Variants in MAN1A1 observed in about 807,000 individuals in gnomAD.
MAN1A1 encodes mannosidase alpha class 1A member 1, also known as mannosyl-oligosaccharide 1,2-alpha-mannosidase IA.
Under a neutral mutation model 70.8 loss-of-function variants are expected in MAN1A1, and 29 were observed. That is an observed-to-expected ratio of 0.41 (90% CI 0.31 to 0.56). The LOEUF (loss-of-function observed/expected upper bound fraction) is 0.56. Ranked by LOEUF, MAN1A1 falls within the 20% of genes least tolerant of loss-of-function variation. MAN1A1 has a pLI of 0.29. For missense variants in MAN1A1, 747 were observed against 841.3 expected, an observed-to-expected ratio of 0.89 and a Z score of 1.39; for synonymous variants, 349 against 330.1, an observed-to-expected ratio of 1.06 and a Z score of -0.62.
rs12662857 is a variant in MAN1A1 at position 119,207,474 on chromosome 6, G to A, written c.993-2592C>T. On this transcript the variant is annotated intron_variant, in intron 6 of 12. Coordinates refer to ENST00000368468, the MANE Select transcript of MAN1A1 (RefSeq NM_005907.4). ...GTCAGGGAAGGGGTTCAAGAAATTA[G>A]AGATGGCACAACTATAGACATTAGA... is the stretch of plus-strand genomic sequence containing the variant. 9.1e-3 allele frequency among the ~76,000 whole-genome samples: 1,384 copies of A among 152,268 alleles called. 38 individuals are homozygous for A. The highest frequency in any genetic ancestry group is 0.025 in the East Asian group (131 of 5,186).
At chr6:119,296,278 A>C (rs1772214536) in intron 4 of MAN1A1, among the ~76,000 whole-genome samples, 1 of 152,148 alleles carries the variant, frequency 6.6e-6, no homozygotes, top group Non-Finnish European at 1.5e-5. Context: ...ATGTTAATAG[A>C]CTGGTTTTAC....
intron 6 of MAN1A1, among the ~76,000 whole-genome samples, chr6:119,236,707 C>T (rs1222925678): frequency 2.1e-5 from 2 of 96,588 alleles, no homozygotes; most frequent in African/African-American, 7.9e-5. Context: ...GACTTTGTCT[C>T]AAAAAAAAAA....
chr6:119,190,946 C>T (rs1773424287), intron 9 of MAN1A1, among the ~76,000 whole-genome samples: 1 of 152,156 alleles, frequency 6.6e-6, no homozygotes, highest in Admixed American at 6.5e-5. Flanking sequence ...TACCTGTACA[C>T]TGCTATCAAG....
intron 5 of MAN1A1, among the ~76,000 whole-genome samples, chr6:119,257,036 T>C (rs1409681475): frequency 6.6e-6 from 1 of 152,208 alleles, no homozygotes; most frequent in Non-Finnish European, 1.5e-5. Flanking sequence ...GTGGGAATTT[T>C]TTTTAAAAAG....
At chr6:119,311,395 A>G (rs1772696343) in intron 2 of MAN1A1, among the ~76,000 whole-genome samples, 1 of 152,224 alleles carries the variant, frequency 6.6e-6, no homozygotes, top group South Asian at 2.1e-4. Flanking sequence ...TGGTATCCAA[A>G]AGATGGAGGA....
intron 6 of MAN1A1, among the ~76,000 whole-genome samples, chr6:119,240,119 G>A (rs1186193454): frequency 6.6e-6 from 1 of 152,134 alleles, no homozygotes; most frequent in Non-Finnish European, 1.5e-5. Context: ...AGTCCCATCT[G>A]CTTTGAACCA....
chr6:119,247,446 A>G (rs1025964880), intron 6 of MAN1A1, among the ~76,000 whole-genome samples: 1 of 152,252 alleles, frequency 6.6e-6, no homozygotes, highest in African/African-American at 2.4e-5. Flanking sequence ...ATCACATTTT[A>G]TAGTGACAAT....
chr6:119,313,790 G>GT (rs1392521536), intron 2 of MAN1A1, among the ~76,000 whole-genome samples: 1 of 152,036 alleles, frequency 6.6e-6, no homozygotes, highest in Non-Finnish European at 1.5e-5. Context: ...CTGCTCTCTG[G>GT]TTTGTGCCCT....
At chr6:119,280,715 C>T (rs1486700384) in intron 5 of MAN1A1, among the ~76,000 whole-genome samples, 1 of 152,158 alleles carries the variant, frequency 6.6e-6, no homozygotes, top group East Asian at 1.9e-4. Flanking sequence ...AACATTCACT[C>T]ACAGGCAAAA....
At chr6:119,270,513 T>G (rs1000131639) in intron 5 of MAN1A1, among the ~76,000 whole-genome samples, 2 of 152,162 alleles carry the variant, frequency 1.3e-5, no homozygotes, top group African/African-American at 4.8e-5. Flanking sequence ...CAGCAGTCAC[T>G]CCCCATTTCC....
chr6:119,199,780 C>T (rs570737250), intron 8 of MAN1A1, among the ~76,000 whole-genome samples: 112 of 151,628 alleles, frequency 7.4e-4, no homozygotes, highest in African/African-American at 2.6e-3. Context: ...AGCATGGCAT[C>T]GTGCACCTGT....
chr6:119,267,676 T>C (rs1291929281), intron 5 of MAN1A1, among the ~76,000 whole-genome samples: 1 of 152,162 alleles, frequency 6.6e-6, no homozygotes, highest in Non-Finnish European at 1.5e-5. Flanking sequence ...GTGGGCCTTG[T>C]CCCAATCATA....
intron 6 of MAN1A1, among the ~76,000 whole-genome samples, chr6:119,215,763 A>C (rs748416465): frequency 6.6e-6 from 1 of 152,236 alleles, no homozygotes; most frequent in African/African-American, 2.4e-5. Context: ...GGGGGAAAAC[A>C]GATATTCTTA....
chr6:119,232,679 A>ATG (rs78960133), intron 6 of MAN1A1, among the ~76,000 whole-genome samples: 6,171 of 143,418 alleles, frequency 0.043, 152 homozygotes, highest in African/African-American at 0.076. Flanking sequence ...ACACATATAT[A>ATG]TGTGTGTGTG....
chr6:119,189,897 T>C lies in MAN1A1; in HGVS notation c.1327-14A>G. The C allele has an allele frequency of 6.3e-7, 1 of 1,590,918 alleles. No individual in the cohort carries two copies. Among genetic ancestry groups the C allele is most frequent in the Non-Finnish European group, 8.6e-7 (1 of 1,160,476 alleles). ...AGTCTCGATAGCCTGTGAAAAACAC[T>C]TATTTTTTAACATTTTGTAATCTCT... is the stretch of plus-strand genomic sequence containing the variant. On this transcript the variant is annotated splice_polypyrimidine_tract_variant and intron_variant, in intron 9 of 12. Coordinates refer to ENST00000368468, the MANE Select transcript of MAN1A1 (RefSeq NM_005907.4).
intron 2 of MAN1A1, among the ~76,000 whole-genome samples, chr6:119,344,051 C>G (rs1053711726): frequency 6.6e-6 from 1 of 152,200 alleles, no homozygotes; most frequent in Non-Finnish European, 1.5e-5. Context: ...TCAATGAATT[C>G]CAACCAATTC....
chr6:119,216,639 T>A (rs1284598055), intron 6 of MAN1A1, among the ~76,000 whole-genome samples: 2 of 152,362 alleles, frequency 1.3e-5, no homozygotes, highest in East Asian at 3.9e-4. Context: ...TTTCCTTTTT[T>A]AGTTATTTAT....
chr6:119,319,715 C>T (rs1421088538), intron 2 of MAN1A1, among the ~76,000 whole-genome samples: 1 of 152,072 alleles, frequency 6.6e-6, no homozygotes, highest in Non-Finnish European at 1.5e-5. Flanking sequence ...ATATTTACCC[C>T]ACAACCAAAC....
chr6:119,238,996 T>C (rs1180393353), intron 6 of MAN1A1, among the ~76,000 whole-genome samples: 2 of 152,112 alleles, frequency 1.3e-5, no homozygotes, highest in Non-Finnish European at 2.9e-5. Context: ...GTTCATGCCA[T>C]TCTCCTGCCT....
Sources: allele counts gnomAD v4.1 joint callset (sites outside exome capture counted in the v4.1 genomes callset), GRCh38; gene constraint gnomAD v4.1.1; transcripts MANE v1.5; gene names NCBI Gene and HGNC (gene_info 2026-07-23, HGNC 2026-07-21).